Variants in PHACTR2 observed in about 807,000 individuals in gnomAD.
The protein encoded by PHACTR2 is chromosome 6 open reading frame 56.
A neutral mutation model predicts 76.0 loss-of-function variants in PHACTR2; 30 were observed. The ratio of observed to expected loss-of-function variants is 0.39; its 90% confidence interval spans 0.30 to 0.54. The LOEUF (loss-of-function observed/expected upper bound fraction) is 0.54. Among genes scored for constraint, PHACTR2 ranks in the 20% least tolerant of loss-of-function variants. PHACTR2 has a pLI of 0.61. For synonymous variants in PHACTR2, 292 were observed against 292.5 expected, an observed-to-expected ratio of 1.00 and a Z score of 0.02; for missense variants, 696 against 781.1, an observed-to-expected ratio of 0.89 and a Z score of 1.30.
rs191361500 is a variant in PHACTR2, at chr6:143,625,080, C to T, written c.13+16758C>T. Among the ~76,000 whole-genome samples the T allele has an allele frequency of 3.2e-3, 492 of 151,680 alleles. 1 individual carries two copies. The highest frequency in any genetic ancestry group is 0.011 in the African/African-American group (461 of 41,310). On this transcript the variant is annotated intron_variant, in intron 1 of 11. Coordinates refer to the PHACTR2 transcript ENST00000305766. The surrounding 1 kb of genome is among the most constrained non-coding windows in gnomAD (Gnocchi z 4.3). ...CTGAGGCAGGAGAATTGCTTGAACC[C>T]GGGAGATGGAGGTTGCAGTAAGCCA...
At position 143,816,221 on chromosome 6, in the gene PHACTR2, T is replaced by C. The variant is rs1776292373; in HGVS notation, c.1923-7453T>C. Among the ~76,000 whole-genome samples the C allele has an allele frequency of 6.6e-6, 1 of 152,208 alleles. No homozygotes were observed. The highest frequency in any genetic ancestry group is 2.1e-4 in the South Asian group (1 of 4,830). On this transcript the variant is annotated intron_variant, in intron 12 of 12. Coordinates refer to ENST00000440869, the MANE Select transcript of PHACTR2 (RefSeq NM_001100164.2). This position sits in a 1 kb window ranked among gnomAD's most constrained non-coding sequence, Gnocchi z 4.5. ...AAGCCTAAAGCCAAAACTGTCATGC[T>C]GTCACATAGACAAACTTCTCAAGAC... is the stretch of plus-strand genomic sequence containing the variant.
chr6:143,556,976 G>T lies in PHACTR2; in HGVS notation c.217+19769G>T, dbSNP rs547802938. Among the ~76,000 whole-genome samples, 1 of 152,110 alleles carries T rather than the reference G, an allele frequency of 6.6e-6. No homozygotes were observed. The highest frequency in any genetic ancestry group is 2.4e-5 in the African/African-American group (1 of 41,432). ...ACATTTCCTTTTGAAACAAAAATGA[G>T]GCCAGAAAGAAAGGGCCTCCCTCCC... On this transcript the variant is annotated intron_variant, in intron 1 of 11. Transcript: ENST00000367584. This position sits in a 1 kb window ranked among gnomAD's most constrained non-coding sequence, Gnocchi z 4.3.
chr6:143,736,734 C>T (rs544640656), intron 2 of PHACTR2, among the ~76,000 whole-genome samples: 4 of 151,470 alleles, frequency 2.6e-5, no homozygotes, highest in African/African-American at 9.7e-5. Context: ...CCACCATGCC[C>T]GGCTAATTTT....
In PHACTR2 at chr6:143,663,899, G is replaced by A. The variant is rs990199959; in HGVS notation, c.14-48117G>A. On this transcript the variant is annotated intron_variant, in intron 1 of 11. Coordinates refer to the PHACTR2 transcript ENST00000305766. This position sits in a 1 kb window ranked among gnomAD's most constrained non-coding sequence, Gnocchi z 4.1. ...TTTTCTTGAGTACAAGTCTCTACAC[G>A]TTTGTGTATTACATCAAGCTTGTCA... 8.6e-5 allele frequency among the ~76,000 whole-genome samples: 13 copies of A among 152,030 alleles called. No homozygotes were observed. The highest frequency in any genetic ancestry group is 8.3e-4 in the South Asian group (4 of 4,816).
intron 1 of PHACTR2, chr6:143,711,782 C>A: frequency 1.4e-6 from 1 of 698,336 alleles, no homozygotes; most frequent in South Asian, 1.4e-5. Flanking sequence ...TAATGTAAGT[C>A]TCTTGCTTCT....
intron 2 of PHACTR2, among the ~76,000 whole-genome samples, chr6:143,746,835 TAA>T (rs5880572): frequency 8.4e-5 from 12 of 143,618 alleles, no homozygotes; most frequent in Non-Finnish European, 1.2e-4. Flanking sequence ...ACACCCAGTT[TAA>T]AAAAAAAAAA....
In PHACTR2 at chr6:143,598,545, T is replaced by C. The variant is rs907085925; in HGVS notation, c.217+61338T>C. On this transcript the variant is annotated intron_variant, in intron 1 of 11. Coordinates refer to the PHACTR2 transcript ENST00000367584. This position sits in a 1 kb window ranked among gnomAD's most constrained non-coding sequence, Gnocchi z 4.1. The stretch of plus-strand genomic sequence containing the variant: ...AGTAGCAACAGGAAACTAATACTGA[T>C]GAAAAGATAATAGGAAAGGAAAGTA... Among the ~76,000 whole-genome samples, 1 of 152,184 alleles carries C rather than the reference T, an allele frequency of 6.6e-6. No homozygotes were observed. The highest frequency in any genetic ancestry group is 2.4e-5 in the African/African-American group (1 of 41,434).
rs1379344729 is a variant in PHACTR2 at position 143,621,623 on chromosome 6, AAAG to A, written c.13+13307_13+13309del. On this transcript the variant is annotated intron_variant, in intron 1 of 11. Coordinates refer to the PHACTR2 transcript ENST00000305766. The surrounding 1 kb of genome is among the most constrained non-coding windows in gnomAD (Gnocchi z 4.1). Reference sequence around the variant, plus strand: ...GCAAAGGAATGGAATTAGAGTTGTAAAAGAAGAATGCAGTTCCTGGCTGAGCCT... The same window carrying A: ...GCAAAGGAATGGAATTAGAGTTGTAAAAGAATGCAGTTCCTGGCTGAGCCT... 2.6e-5 allele frequency among the ~76,000 whole-genome samples: 4 copies of A among 152,228 alleles called. No homozygotes were observed. Among genetic ancestry groups the A allele is most frequent in the African/African-American group, 9.6e-5 (4 of 41,456 alleles).
At chr6:143,605,735 A>G (rs1775862349), upstream of PHACTR2, among the ~76,000 whole-genome samples, 1 of 151,832 alleles carries the variant, frequency 6.6e-6, no homozygotes, top group Non-Finnish European at 1.5e-5. The surrounding 1 kb of genome is among the most constrained non-coding windows in gnomAD (Gnocchi z 5.0). Context: ...GAGATGTTTA[A>G]GTATTTATAG....
chr6:143,566,718 A>T (rs1775368193), intron 1 of PHACTR2, among the ~76,000 whole-genome samples: 1 of 151,606 alleles, frequency 6.6e-6, no homozygotes, highest in African/African-American at 2.4e-5. Context: ...TTTCTTCCTC[A>T]TGCCTATCTG....
In PHACTR2 at chr6:143,644,649, A is replaced by G. The variant is rs78981335; in HGVS notation, c.13+36327A>G. Among the ~76,000 whole-genome samples the G allele has an allele frequency of 9.0e-3, 1,374 of 151,888 alleles. 19 individuals are homozygous for G. Among genetic ancestry groups the G allele is most frequent in the African/African-American group, 0.03 (1,262 of 41,402 alleles). On this transcript the variant is annotated intron_variant, in intron 1 of 11. Transcript: ENST00000305766. ...TATCAGCTTTAAAGTCAGGATATGT[A>G]TTATAATCAATGGTTTCTTACAAAT...
At chr6:143,552,116 A>G (rs1775104912) in intron 1 of PHACTR2, among the ~76,000 whole-genome samples, 1 of 152,182 alleles carries the variant, frequency 6.6e-6, no homozygotes, top group Non-Finnish European at 1.5e-5. Flanking sequence ...AGTTGTTTAT[A>G]AGGCATTTGT....
chr6:143,688,026 G>A lies in PHACTR2; in HGVS notation c.46+9817G>A, dbSNP rs558955694. Among the ~76,000 whole-genome samples the A allele has an allele frequency of 1.3e-5, 2 of 152,258 alleles. No individual in the cohort carries two copies. Among genetic ancestry groups the A allele is most frequent in the African/African-American group, 4.8e-5 (2 of 41,534 alleles). On this transcript the variant is annotated intron_variant, in intron 1 of 12. Transcript: ENST00000440869. The surrounding 1 kb of genome is among the most constrained non-coding windows in gnomAD (Gnocchi z 5.2). ...TCTAGAAGATGCTTAGTGAAAATGT[G>A]CAGAAATGAGAGTGGAAGGGAAGGG...
rs1334770912 is a variant in PHACTR2, at chr6:143,689,867, A to AT, written c.46+11663dup. Among the ~76,000 whole-genome samples the AT allele has an allele frequency of 6.6e-6, 1 of 151,780 alleles. No homozygotes were observed. Among genetic ancestry groups the AT allele is most frequent in the Non-Finnish European group, 1.5e-5 (1 of 67,934 alleles). ...GCCACCACGCCCGGCTAATTTTTGT[A>AT]TTTTTAGTAGCGACAGGGTTTCGCC... On this transcript the variant is annotated intron_variant, in intron 1 of 12. Coordinates refer to ENST00000440869, the MANE Select transcript of PHACTR2 (RefSeq NM_001100164.2). This position sits in a 1 kb window ranked among gnomAD's most constrained non-coding sequence, Gnocchi z 4.4.
chr6:143,773,018 G>A (rs984477648), intron 7 of PHACTR2, among the ~76,000 whole-genome samples: 1 of 152,160 alleles, frequency 6.6e-6, no homozygotes, highest in Non-Finnish European at 1.5e-5. Context: ...TTCGAGACTA[G>A]CCTAGCCAAC....
rs1056454135 is a variant in PHACTR2, at chr6:143,755,903, C to T, written c.454+1991C>T. ...ACATTTTTCATTCTGAAGACCAACT[C>T]AAGCTTCACTTTTGCCTCTGCTCCT... On this transcript the variant is annotated intron_variant, in intron 4 of 12. Coordinates refer to ENST00000440869, the MANE Select transcript of PHACTR2 (RefSeq NM_001100164.2). This position sits in a 1 kb window ranked among gnomAD's most constrained non-coding sequence, Gnocchi z 5.2. Among the ~76,000 whole-genome samples the T allele has an allele frequency of 6.6e-6, 1 of 152,086 alleles. No individual in the cohort carries two copies. The highest frequency in any genetic ancestry group is 1.5e-5 in the Non-Finnish European group (1 of 68,040).
At position 143,557,356 on chromosome 6, in the gene PHACTR2, T is replaced by G. The variant is rs1399479189; in HGVS notation, c.217+20149T>G. Among the ~76,000 whole-genome samples the G allele has an allele frequency of 1.3e-5, 2 of 152,194 alleles. No homozygotes were observed. Among genetic ancestry groups the G allele is most frequent in the Non-Finnish European group, 2.9e-5 (2 of 68,036 alleles). On this transcript the variant is annotated intron_variant, in intron 1 of 11. Coordinates refer to the PHACTR2 transcript ENST00000367584. This position sits in a 1 kb window ranked among gnomAD's most constrained non-coding sequence, Gnocchi z 5.5. ...AAATCATCTTGGGTCATACAGCCAG[T>G]AAGTGCAGAGGCAGAATTTAAAGCC...
rs2128433031 is a variant in PHACTR2 at position 143,580,534 on chromosome 6, G to A, written c.217+43327G>A. 6.6e-6 allele frequency among the ~76,000 whole-genome samples: 1 copy of A among 151,590 alleles called. No individual in the cohort carries two copies. Among genetic ancestry groups the A allele is most frequent in the Non-Finnish European group, 1.5e-5 (1 of 67,880 alleles). ...AAAAAATACAAACAATTAGCTGGGC[G>A]TGGTGGCACACACCTGTAATCCCAG... On this transcript the variant is annotated intron_variant, in intron 1 of 11. Transcript: ENST00000367584. The surrounding 1 kb of genome is among the most constrained non-coding windows in gnomAD (Gnocchi z 4.2).
In PHACTR2 at chr6:143,827,174, A is replaced by ATATATATATG. The variant is rs1776557347; in HGVS notation, c.*3494_*3495insGTATATATAT. ...AAAGAAAATATATATATATATATAT[A>ATATATATATG]TATATATATATATATATATATATAT... On this transcript the variant is annotated 3_prime_UTR_variant, in exon 13 of 13. Transcript: ENST00000440869. 8.2e-6 allele frequency: 1 copy of ATATATATATG among 122,180 alleles called. No homozygotes were observed. The highest frequency in any genetic ancestry group is 2.5e-4 in the East Asian group (1 of 4,002). The allele number at this position is 122,180 out of a possible 1,614,324, so 7.6% of individuals were successfully genotyped here.
Sources: allele counts gnomAD v4.1 joint callset (sites outside exome capture counted in the v4.1 genomes callset), GRCh38; gene constraint gnomAD v4.1.1; non-coding constraint Gnocchi (gnomAD v3.1); transcripts MANE v1.5; gene names NCBI Gene and HGNC (gene_info 2026-07-23, HGNC 2026-07-21).